Variants in ITPR1 observed in about 807,000 individuals in gnomAD.
The protein encoded by ITPR1 is inositol 1,4,5-trisphosphate receptor type 1, also known as inositol 1,4,5-trisphosphate-gated calcium channel ITPR1.
A neutral mutation model predicts 318.4 loss-of-function variants in ITPR1; 96 were observed. The observed-to-expected ratio is 0.30, with a 90% CI of 0.26 to 0.36. ITPR1 has a LOEUF of 0.36. Among genes scored for constraint, ITPR1 ranks in the 10% least tolerant of loss-of-function variants. ITPR1 has a pLI of 1.00. For synonymous variants in ITPR1, 1,312 were observed against 1,289.9 expected (o/e 1.02, Z -0.37); for missense variants, 2,440 against 3,460.2 (o/e 0.71, Z 7.40).
At chr3:4,624,521 T>A (rs1434566581) in intron 4 of ITPR1, among the ~76,000 whole-genome samples, 3 of 151,790 alleles carry the variant, frequency 2.0e-5, no homozygotes, top group Non-Finnish European at 2.9e-5. Flanking sequence ...ATACAAAAAT[T>A]AGCTGGGCAT....
At position 4,779,541 on chromosome 3, in the gene ITPR1, T is replaced by A; in HGVS notation, c.6292-9T>A. The A allele has an allele frequency of 6.2e-7, 1 of 1,608,154 alleles. No homozygotes were observed. Among genetic ancestry groups the A allele is most frequent in the East Asian group, 2.2e-5 (1 of 44,724 alleles). ...TCTACATTTCCTCTCCCTTTGTTTCTCCAACTAGAACAATGCCTCGAAGTT... is the reference window on the plus strand; with the variant it reads ...TCTACATTTCCTCTCCCTTTGTTTCACCAACTAGAACAATGCCTCGAAGTT... On this transcript the variant is annotated splice_polypyrimidine_tract_variant and intron_variant, in intron 48 of 61. Coordinates refer to ENST00000649015, the MANE Select transcript of ITPR1 (RefSeq NM_001378452.1). This position sits in a 1 kb window ranked among gnomAD's most constrained non-coding sequence, Gnocchi z 4.0.
chr3:4,594,112 T>G (rs1216687661), intron 4 of ITPR1, among the ~76,000 whole-genome samples: 1 of 152,102 alleles, frequency 6.6e-6, no homozygotes, highest in Admixed American at 6.5e-5. Flanking sequence ...TTCATTGGCT[T>G]GGGGAGATAC....
At chr3:4,702,417 G>T (rs947598806) in intron 35 of ITPR1, among the ~76,000 whole-genome samples, 4 of 152,118 alleles carry the variant, frequency 2.6e-5, no homozygotes, top group African/African-American at 9.7e-5. Flanking sequence ...AGGAACTTTG[G>T]GGTCAGTCTG....
intron 60 of ITPR1, chr3:4,825,963 C>T (rs546238602): frequency 2.8e-6 from 1 of 363,412 alleles, no homozygotes; most frequent in South Asian, 2.1e-5. Context: ...ATTCACACAG[C>T]CATCATGGGG....
intron 4 of ITPR1, among the ~76,000 whole-genome samples, chr3:4,572,039 T>C (rs1310272364): frequency 9.9e-5 from 15 of 152,246 alleles, no homozygotes; most frequent in Admixed American, 9.8e-4. Context: ...GATTAGTTAT[T>C]CCTGAGTCTA....
At chr3:4,721,003 G>A (rs2042111603) in intron 40 of ITPR1, among the ~76,000 whole-genome samples, 1 of 151,810 alleles carries the variant, frequency 6.6e-6, no homozygotes, top group African/African-American at 2.4e-5. Context: ...ACCTTCAGCA[G>A]TAATTGCCAA....
intron 4 of ITPR1, among the ~76,000 whole-genome samples, chr3:4,561,507 A>AGAAC (rs1195519503): frequency 1.3e-5 from 2 of 152,184 alleles, no homozygotes; most frequent in East Asian, 3.8e-4. Flanking sequence ...ATGTGTCCTA[A>AGAAC]GAACGAAACT....
Position 4,727,179 on chromosome 3 carries a change from TAGTCTTG to T in ITPR1, c.5220+14_5220+20del. On this transcript the variant is annotated splice_region_variant and intron_variant, in intron 42 of 61. Transcript: ENST00000649015. Reference sequence around the variant, plus strand: ...AGCTGGAAGACCATAAAAGGGTACGTAGTCTTGAGTCTTGGGTATCGGGAGCTAATGA... The same window carrying T: ...AGCTGGAAGACCATAAAAGGGTACGTAGTCTTGGGTATCGGGAGCTAATGA... 1 of 1,587,602 alleles carries T rather than the reference TAGTCTTG, an allele frequency of 6.3e-7. No individual in the cohort carries two copies. Among genetic ancestry groups the T allele is most frequent in the East Asian group, 2.2e-5 (1 of 44,622 alleles).
chr3:4,636,194 T>C (rs1363065192), intron 5 of ITPR1, among the ~76,000 whole-genome samples: 1 of 152,128 alleles, frequency 6.6e-6, no homozygotes. Context: ...ACATGTGAAC[T>C]GAAATGAATT....
intron 39 of ITPR1, among the ~76,000 whole-genome samples, chr3:4,716,165 C>G (rs1289663342): frequency 6.6e-6 from 1 of 152,090 alleles, no homozygotes; most frequent in Non-Finnish European, 1.5e-5. Context: ...TGTGCAATGC[C>G]TACTAATCTC....
intron 4 of ITPR1, among the ~76,000 whole-genome samples, chr3:4,555,376 G>T (rs2086019635): frequency 6.6e-6 from 1 of 152,112 alleles, no homozygotes; most frequent in Non-Finnish European, 1.5e-5. Context: ...ATCTTTCCAG[G>T]ATGTTTCCTA....
At chr3:4,795,001 T>C in intron 52 of ITPR1, 64 bp from the exon 53 acceptor site, 1 of 1,510,050 alleles carries the variant, frequency 6.6e-7, no homozygotes, top group African/African-American at 1.4e-5. Flanking sequence ...AAGGGCCACA[T>C]TGCATTCCTG....
Position 4,681,915 on chromosome 3 carries a change from A to T in ITPR1, c.3161+497A>T, listed in dbSNP as rs142285126. Among the ~76,000 whole-genome samples, 102 of 147,894 alleles carry T rather than the reference A, an allele frequency of 6.9e-4. 1 individual carries two copies. In the East Asian group the frequency reaches 0.018, roughly 26 times the overall value. On this transcript the variant is annotated intron_variant, in intron 26 of 61. Transcript: ENST00000649015. ...CTAATATTAATGTATGAACCCCTTT[A>T]AAAAAAAACCGCACTGGTCAATTTT...
At chr3:4,632,694 A>G (rs924307697) in intron 5 of ITPR1, among the ~76,000 whole-genome samples, 2 of 152,102 alleles carry the variant, frequency 1.3e-5, no homozygotes, top group Admixed American at 6.6e-5. Context: ...CCTGTGCTCT[A>G]TATGTTATGT....
intron 4 of ITPR1, among the ~76,000 whole-genome samples, chr3:4,533,600 A>G (rs56658502): frequency 6.6e-6 from 1 of 152,208 alleles, no homozygotes; most frequent in Non-Finnish European, 1.5e-5. Context: ...GGAAGCTCAA[A>G]CATGGCCTTT....
At chr3:4,614,075 T>C (rs2092284583) in intron 4 of ITPR1, among the ~76,000 whole-genome samples, 1 of 152,178 alleles carries the variant, frequency 6.6e-6, no homozygotes, top group African/African-American at 2.4e-5. Flanking sequence ...ACTCTTTGAT[T>C]TGGCATCTTT....
intron 37 of ITPR1, among the ~76,000 whole-genome samples, chr3:4,707,927 T>C (rs552340801): frequency 3.3e-5 from 5 of 152,310 alleles, no homozygotes; most frequent in African/African-American, 9.6e-5. Context: ...CCAGAAATGA[T>C]GATCTTTGTC....
At position 4,710,563 on chromosome 3, in the gene ITPR1, GT is replaced by G; in HGVS notation, c.4991+96del. On this transcript the variant is annotated intron_variant, in intron 38 of 61. Transcript: ENST00000649015. The surrounding 1 kb of genome is among the most constrained non-coding windows in gnomAD (Gnocchi z 4.2). ...TTCCCGAAGAAGGAGACGTTGTCCT[GT>G]TTTTTAACTTTGATGAATGCAAGGT... 1.5e-6 allele frequency: 2 copies of G among 1,340,418 alleles called. No individual in the cohort carries two copies. Among genetic ancestry groups the G allele is most frequent in the Non-Finnish European group, 2.0e-6 (2 of 985,670 alleles). The allele number at this position is 1,340,418 out of a possible 1,614,324, so 83.0% of individuals were successfully genotyped here. A position where few individuals can be genotyped will look rare whatever the true frequency, so the allele number is the denominator to read the frequency against.
intron 43 of ITPR1, among the ~76,000 whole-genome samples, chr3:4,733,784 C>T (rs1287107127): frequency 6.6e-6 from 1 of 151,918 alleles, no homozygotes; most frequent in African/African-American, 2.4e-5. Flanking sequence ...ATGCTGTGTA[C>T]ATCCACAAAC....
Sources: allele counts gnomAD v4.1 joint callset (sites outside exome capture counted in the v4.1 genomes callset), GRCh38; gene constraint gnomAD v4.1.1; non-coding constraint Gnocchi (gnomAD v3.1); transcripts MANE v1.5; gene names NCBI Gene and HGNC (gene_info 2026-07-23, HGNC 2026-07-21).